PCDH15: variants seen among roughly 807,000 people sequenced by gnomAD.
PCDH15 encodes protocadherin related 15, also known as protocadherin-15.
PCDH15 carries 129 observed loss-of-function variants against 178.5 expected under a neutral mutation model. That is an observed-to-expected ratio of 0.72 (90% CI 0.63 to 0.84). The LOEUF (loss-of-function observed/expected upper bound fraction) is 0.84. Ranked by LOEUF, PCDH15 falls within the 40% of genes least tolerant of loss-of-function variation. The probability of loss-of-function intolerance (pLI) is 0.00; values close to 1 mark genes in which losing one functional copy is unlikely to be tolerated. For synonymous variants in PCDH15, 800 were observed against 732.0 expected (o/e 1.09, Z -1.50); for missense variants, 2,230 against 2,099.9 (o/e 1.06, Z -1.21).
chr10:54,935,695 G>A (rs148745864), intron 2 of PCDH15, among the ~76,000 whole-genome samples: 49 of 151,782 alleles, frequency 3.2e-4, no homozygotes, highest in African/African-American at 1.1e-3. Flanking sequence ...ATTTTCCTTC[G>A]TATCCCCTTC....
rs146070132 is a variant in PCDH15, at chr10:55,265,311, G to GATATATATATATATATATATAT, written c.-156+54287_-156+54288insATATATATATATATATATATAT. 7.3e-4 allele frequency among the ~76,000 whole-genome samples: 106 copies of GATATATATATATATATATATAT among 144,224 alleles called. 1 individual carries two copies. Among genetic ancestry groups the GATATATATATATATATATATAT allele is most frequent in the African/African-American group, 2.7e-3 (102 of 37,506 alleles). 94.6% of individuals were successfully genotyped at this position (144,224 alleles called of 152,430 possible). ...GATAGATATAGAGATGTATCTCTATGATATATATATATATATAGACATAGA... is the reference window on the plus strand; with the variant it reads ...GATAGATATAGAGATGTATCTCTATGATATATATATATATATATATATATATATATATATATATAGACATAGA... On this transcript the variant is annotated intron_variant, in intron 1 of 5. Transcript: ENST00000458638.
intron 3 of PCDH15, among the ~76,000 whole-genome samples, chr10:54,390,277 C>A (rs1950389773): frequency 9.5e-6 from 1 of 105,560 alleles, no homozygotes. Flanking sequence ...TGACAATGAC[C>A]TATACCTTTT....
At chr10:54,218,814 T>C (rs2052397819) in intron 9 of PCDH15, among the ~76,000 whole-genome samples, 1 of 152,050 alleles carries the variant, frequency 6.6e-6, no homozygotes, top group Non-Finnish European at 1.5e-5. Context: ...ATAGGAAACA[T>C]GGGACAGAGT....
chr10:54,082,820 G>A (rs748597975), intron 16 of PCDH15, among the ~76,000 whole-genome samples: 26 of 150,058 alleles, frequency 1.7e-4, no homozygotes, highest in African/African-American at 4.4e-4. Context: ...AAAAAACAAC[G>A]CATATAACTG....
intron 15 of PCDH15, among the ~76,000 whole-genome samples, chr10:54,109,889 G>T (rs983067393): frequency 6.6e-6 from 1 of 152,080 alleles, no homozygotes; most frequent in Admixed American, 6.5e-5. Flanking sequence ...TGAGGTGATG[G>T]ATACCCCATT....
chr10:54,158,873 T>C (rs4542312), intron 13 of PCDH15, among the ~76,000 whole-genome samples: 97,041 of 152,008 alleles, frequency 0.64, 32,457 homozygotes, highest in East Asian at 0.89. Context: ...TTTGGGAGGC[T>C]GAGGTGGGCA....
At position 53,806,460 on chromosome 10, in the gene PCDH15, A is replaced by G; in HGVS notation, c.*119T>C. The G allele has an allele frequency of 1.2e-6, 1 of 868,564 alleles. No homozygotes were observed. The highest frequency in any genetic ancestry group is 2.0e-5 in the South Asian group (1 of 50,022). 53.8% of individuals were successfully genotyped at this position (868,564 alleles called of 1,614,324 possible). A position where few individuals can be genotyped will look rare whatever the true frequency, so the allele number is the denominator to read the frequency against. On this transcript the variant is annotated 3_prime_UTR_variant, in exon 38 of 38. Transcript: ENST00000644397. ...CTTAAAATTTTAAAGCATATTGTTCAAAGTTTTAGCTTGTGTGCATGATAT... is the reference window on the plus strand; with the variant it reads ...CTTAAAATTTTAAAGCATATTGTTCGAAGTTTTAGCTTGTGTGCATGATAT...
At chr10:54,330,306 C>T (rs1279553183) in intron 6 of PCDH15, among the ~76,000 whole-genome samples, 1 of 151,838 alleles carries the variant, frequency 6.6e-6, no homozygotes, top group Non-Finnish European at 1.5e-5. Context: ...CTACTACATA[C>T]TAGGACAAGT....
At chr10:54,141,542 T>C (rs1027429081) in intron 14 of PCDH15, among the ~76,000 whole-genome samples, 1 of 152,192 alleles carries the variant, frequency 6.6e-6, no homozygotes, top group African/African-American at 2.4e-5. Flanking sequence ...AAAACTGTGA[T>C]ATGGGTTAAA....
At chr10:54,539,559 T>G (rs1356775594) in intron 2 of PCDH15, among the ~76,000 whole-genome samples, 1 of 152,120 alleles carries the variant, frequency 6.6e-6, no homozygotes, top group Non-Finnish European at 1.5e-5. Flanking sequence ...CTGACAACAT[T>G]AGACAAATCA....
chr10:53,989,307 ACATTTC>A (rs1216173042), intron 21 of PCDH15, among the ~76,000 whole-genome samples: 1 of 152,164 alleles, frequency 6.6e-6, no homozygotes, highest in African/African-American at 2.4e-5. Context: ...AATTTTACGC[ACATTTC>A]CATTTATAAC....
intron 2 of PCDH15, among the ~76,000 whole-genome samples, chr10:54,568,203 C>A (rs1331250949): frequency 3.3e-5 from 5 of 151,872 alleles, no homozygotes; most frequent in Non-Finnish European, 7.4e-5. Context: ...GTTAGTAAGG[C>A]CTGTGAATTT....
chr10:55,075,716 T>C (rs536683908), intron 2 of PCDH15, among the ~76,000 whole-genome samples: 1 of 152,178 alleles, frequency 6.6e-6, no homozygotes, highest in African/African-American at 2.4e-5. Context: ...TTGTATTTTT[T>C]TTTTCAGTCT....
chr10:54,266,828 T>C (rs4474354), intron 8 of PCDH15, among the ~76,000 whole-genome samples: 91,351 of 151,472 alleles, frequency 0.6, 29,157 homozygotes, highest in Middle Eastern at 0.73. Context: ...CTAGATGAAT[T>C]CATAGCTGAA....
At chr10:55,042,118 C>T (rs906252618) in intron 2 of PCDH15, among the ~76,000 whole-genome samples, 18 of 152,132 alleles carry the variant, frequency 1.2e-4, no homozygotes, top group African/African-American at 4.1e-4. Context: ...TTAGCTAGGT[C>T]TTAACAAATG....
chr10:53,977,883 A>C (rs2090316403), intron 21 of PCDH15, among the ~76,000 whole-genome samples: 1 of 152,172 alleles, frequency 6.6e-6, no homozygotes, highest in South Asian at 2.1e-4. Flanking sequence ...GGGGAAGTTA[A>C]ATCTTAAAGC....
At chr10:54,122,524 C>T (rs1415439183) in intron 15 of PCDH15, among the ~76,000 whole-genome samples, 1 of 150,356 alleles carries the variant, frequency 6.7e-6, no homozygotes, top group Non-Finnish European at 1.5e-5. Flanking sequence ...AGATGTTAAA[C>T]TTTTTTTTTC....
At chr10:54,851,636 C>A (rs184228485) in intron 3 of PCDH15, among the ~76,000 whole-genome samples, 182 of 152,094 alleles carry the variant, frequency 1.2e-3, no homozygotes, top group African/African-American at 4.1e-3. Flanking sequence ...CCTTTGTCAC[C>A]CAGGCTGGAG....
rs149374693 is a variant in PCDH15, at chr10:54,638,795, C to T, written c.91+25377G>A. ...GATATGGAATCAATCTAAGTGTCCA[C>T]CAACCAATGAGCGGATAAAGAAAAC... On this transcript the variant is annotated intron_variant, in intron 2 of 37. Transcript: ENST00000644397. 8.0e-3 allele frequency among the ~76,000 whole-genome samples: 1,219 copies of T among 152,148 alleles called. 22 individuals carry two copies. Among genetic ancestry groups the T allele is most frequent in the African/African-American group, 0.028 (1,151 of 41,518 alleles).
Sources: allele counts gnomAD v4.1 joint callset (sites outside exome capture counted in the v4.1 genomes callset), GRCh38; gene constraint gnomAD v4.1.1; transcripts MANE v1.5; gene names NCBI Gene and HGNC (gene_info 2026-07-23, HGNC 2026-07-21).